CHD9: variants seen among roughly 807,000 people sequenced by gnomAD.
CHD9 encodes the protein chromodomain helicase DNA binding protein 9, also known as ATP-dependent chromatin remodeler CHD9.
Under a neutral mutation model 316.1 loss-of-function variants are expected in CHD9, and 77 were observed. The observed-to-expected ratio is 0.24, with a 90% CI of 0.20 to 0.29. CHD9 has a LOEUF of 0.29. CHD9 is among the 10% of genes least tolerant of loss of function. The pLI is 1.00. For missense variants in CHD9, 2,763 were observed against 3,438.1 expected, an observed-to-expected ratio of 0.80 and a Z score of 4.91; for synonymous variants, 1,129 against 1,158.3, an observed-to-expected ratio of 0.97 and a Z score of 0.51.
At position 53,193,175 on chromosome 16, in the gene CHD9, C is replaced by A. The variant is rs561321097; in HGVS notation, c.1453-16307C>A. ...AAAATGTTTTAACCATCCGGCCGGG[C>A]ACGGTGGCTCATACCTGTAATCCAA... is the stretch of plus-strand genomic sequence containing the variant. On this transcript the variant is annotated intron_variant, in intron 2 of 38. Transcript: ENST00000447540. 1.1e-3 allele frequency among the ~76,000 whole-genome samples: 167 copies of A among 152,154 alleles called. 5 individuals carry two copies. The South Asian group carries it at 0.033, about 30-fold the overall frequency.
chr16:53,265,135 A>G (rs570770381), intron 20 of CHD9, among the ~76,000 whole-genome samples: 2 of 152,304 alleles, frequency 1.3e-5, no homozygotes, highest in Non-Finnish European at 2.9e-5. Flanking sequence ...ACAGTGGCTC[A>G]TTCCTGTATA....
At chr16:53,284,140 A>G (rs921272373) in intron 24 of CHD9, among the ~76,000 whole-genome samples, 1 of 152,140 alleles carries the variant, frequency 6.6e-6, no homozygotes, top group Non-Finnish European at 1.5e-5. Flanking sequence ...CCCATTTCTT[A>G]TAGGTCTTTG....
chr16:53,239,732 C>T (rs1371873399), intron 12 of CHD9, among the ~76,000 whole-genome samples: 4 of 151,972 alleles, frequency 2.6e-5, no homozygotes, highest in African/African-American at 9.7e-5. Flanking sequence ...TGATTTTCTA[C>T]CTGTTTGAGC....
chr16:53,208,630 C>T, intron 2 of CHD9: 1 of 994,118 alleles, frequency 1.0e-6, no homozygotes, highest in Non-Finnish European at 1.2e-6. Context: ...TCCAGTGAAG[C>T]ACACTGGAAT....
At chr16:53,186,615 G>A (rs1019029808) in intron 2 of CHD9, among the ~76,000 whole-genome samples, 1 of 152,180 alleles carries the variant, frequency 6.6e-6, no homozygotes, top group Non-Finnish European at 1.5e-5. Flanking sequence ...AGAATGATAT[G>A]GTTGGGCTGT....
intron 19 of CHD9, among the ~76,000 whole-genome samples, chr16:53,256,574 C>A (rs1277756180): frequency 1.3e-5 from 2 of 150,080 alleles, no homozygotes; most frequent in African/African-American, 4.9e-5. Context: ...CCACCCGCCT[C>A]GGCCTCCCAA....
chr16:53,072,452 T>C (rs985461630), intron 1 of CHD9, among the ~76,000 whole-genome samples: 12 of 145,694 alleles, frequency 8.2e-5, no homozygotes, highest in African/African-American at 3.1e-4. Flanking sequence ...CAGGCTAGAG[T>C]ACAGTGGTGT....
In CHD9 at chr16:53,157,429, G is replaced by A. The variant is rs2041595173; in HGVS notation, c.1340G>A (p.Arg447Gln). The A allele has an allele frequency of 8.7e-6, 14 of 1,613,894 alleles. No homozygotes were observed. The highest frequency in any genetic ancestry group is 2.2e-5 in the East Asian group (1 of 44,876). The change falls in exon 2 of 39, where the codon CGG (arginine) becomes CAG (glutamine). Residue 447 changes from arginine (R) to glutamine (Q), a missense_variant. By Grantham distance (43) the Arg-to-Gln change is conservative. Around this residue, in one of 15 missense-constraint regions of CHD9, gnomAD observed 859 missense variants for 890.4 expected, o/e 0.96. Transcript: ENST00000447540. Reference protein sequence around the residue: ...DRQFTSHLVTRPSDMAQTQLQ... With the variant: ...DRQFTSHLVTQPSDMAQTQLQ... ...CAGTTTACTTCGCATCTGGTAACAC[G>A]GCCTTCTGATATGGCTCAGACTCAG... is the stretch of plus-strand genomic sequence containing the variant.
chr16:53,189,709 G>A (rs1425700577), intron 2 of CHD9, among the ~76,000 whole-genome samples: 3 of 151,954 alleles, frequency 2.0e-5, no homozygotes, highest in Non-Finnish European at 4.4e-5. Flanking sequence ...CTGGATAATT[G>A]CATTAAACTG....
At chr16:53,283,619 C>G (rs1003925648) in intron 24 of CHD9, among the ~76,000 whole-genome samples, 58 of 152,128 alleles carry the variant, frequency 3.8e-4, no homozygotes, top group African/African-American at 1.3e-3. Flanking sequence ...CTTTATATTT[C>G]AGGGCTAATG....
At chr16:53,200,929 TA>T (rs1353031729) in intron 2 of CHD9, among the ~76,000 whole-genome samples, 6 of 152,320 alleles carry the variant, frequency 3.9e-5, no homozygotes, top group Non-Finnish European at 5.9e-5. Context: ...TATCTCTCAG[TA>T]TTTGTATGCC....
chr16:53,248,716 C>T (rs1190534549), intron 16 of CHD9, among the ~76,000 whole-genome samples: 2 of 151,568 alleles, frequency 1.3e-5, no homozygotes, highest in Non-Finnish European at 2.9e-5. Flanking sequence ...GAGACAGGGT[C>T]TCACTGTGTT....
At chr16:53,261,171 G>A (rs867704575) in intron 19 of CHD9, among the ~76,000 whole-genome samples, 40 of 149,426 alleles carry the variant, frequency 2.7e-4, no homozygotes, top group African/African-American at 7.9e-4. Context: ...ATAAATATGC[G>A]CAAAATGTAC....
rs1175647511 is a variant in CHD9 at position 53,245,669 on chromosome 16, A to C, written c.3273A>C (p.Ala1091=). 1 of 1,609,266 alleles carries C rather than the reference A, an allele frequency of 6.2e-7. No individual in the cohort carries two copies. The highest frequency in any genetic ancestry group is 1.1e-5 in the South Asian group (1 of 89,824). Residue 1091 remains alanine, a synonymous_variant, in exon 15 of 39, where the codon GCA becomes GCC. Coordinates refer to ENST00000447540, the MANE Select transcript of CHD9 (RefSeq NM_001308319.2). The surrounding 1 kb of genome is among the most constrained non-coding windows in gnomAD (Gnocchi z 4.1). Reference sequence around the variant, plus strand: ...AAGAAGATGTGGAAAAGAAGTTGGCACCTAAAGAAGAAACCATCATTGAAG... The same window carrying C: ...AAGAAGATGTGGAAAAGAAGTTGGCCCCTAAAGAAGAAACCATCATTGAAG... The part of the protein sequence containing the change: ...RLKEDVEKKL[A]PKEETIIEVE...
intron 1 of CHD9, among the ~76,000 whole-genome samples, chr16:53,152,902 A>G (rs1182136299): frequency 2.6e-5 from 4 of 152,350 alleles, no homozygotes; most frequent in Non-Finnish European, 4.4e-5. Flanking sequence ...AGTCCTCAAC[A>G]TTTGTAGATT....
intron 1 of CHD9, among the ~76,000 whole-genome samples, chr16:53,097,027 C>T (rs1292893992): frequency 2.0e-5 from 3 of 152,040 alleles, no homozygotes; most frequent in Non-Finnish European, 4.4e-5. Flanking sequence ...GTTTAAAGAC[C>T]ACATCTCTCA....
intron 26 of CHD9, 44 bp downstream of exon 26, chr16:53,286,387 C>A: frequency 1.0e-6 from 1 of 987,212 alleles, no homozygotes; most frequent in South Asian, 1.3e-5. Context: ...TATCTCTCTT[C>A]TATTCAATAT....
At chr16:53,263,209 T>C (rs1417339792) in intron 20 of CHD9, 112 bp downstream of exon 20, 3 of 702,436 alleles carry the variant, frequency 4.3e-6, no homozygotes, top group South Asian at 2.1e-5. Flanking sequence ...TTTCTAGATA[T>C]ATAAATTGAA....
chr16:53,304,048 A>T lies in CHD9; in HGVS notation c.6042A>T (p.Pro2014=), dbSNP rs2055694102. ...TGGCTCATTCAAGGACTTCTACCCC[A>T]CTTCTACAGCAATATCAAGTAGCAC... ...SKMAHSRTST[P]LLQQYQVALS... Residue 2014 remains proline (P), a synonymous_variant, in exon 31 of 39, where the codon CCA becomes CCT. Coordinates refer to ENST00000447540, the MANE Select transcript of CHD9 (RefSeq NM_001308319.2). 1 of 1,614,002 alleles carries T rather than the reference A, an allele frequency of 6.2e-7. No individual in the cohort carries two copies. The highest frequency in any genetic ancestry group is 8.5e-7 in the Non-Finnish European group (1 of 1,179,876).
Sources: allele counts gnomAD v4.1 joint callset (sites outside exome capture counted in the v4.1 genomes callset), GRCh38; gene constraint gnomAD v4.1.1; regional missense constraint gnomAD v4.1.1; non-coding constraint Gnocchi (gnomAD v3.1); transcripts MANE v1.5; gene names NCBI Gene and HGNC (gene_info 2026-07-23, HGNC 2026-07-21).